The following KHDRBS2 variants were observed in gnomAD, a reference collection of about 807,000 sequenced individuals.
KHDRBS2 encodes the protein KH RNA binding domain containing, signal transduction associated 2.
KHDRBS2 carries 26 observed loss-of-function variants against 44.3 expected under a neutral mutation model. The observed-to-expected ratio is 0.59, with a 90% confidence interval of 0.43 to 0.81. The LOEUF is 0.81. Ranked by LOEUF, KHDRBS2 falls within the 40% of genes least tolerant of loss-of-function variation. KHDRBS2 has a pLI of 0.00. For synonymous variants in KHDRBS2, 194 were observed against 151.1 expected (o/e 1.28, Z -2.08); for missense variants, 476 against 433.1 (o/e 1.10, Z -0.88).
At chr6:62,170,995 T>C (rs1206726538) in intron 2 of KHDRBS2, among the ~76,000 whole-genome samples, 2 of 142,868 alleles carry the variant, frequency 1.4e-5, no homozygotes, top group East Asian at 4.1e-4. Context: ...ACTTCAAATA[T>C]TAAAGGACCA....
chr6:61,859,286 A>C (rs1338615784), intron 6 of KHDRBS2, among the ~76,000 whole-genome samples: 2 of 151,808 alleles, frequency 1.3e-5, no homozygotes, highest in African/African-American at 4.8e-5. Flanking sequence ...AGCAGGCTAC[A>C]TATACGCTTG....
intron 2 of KHDRBS2, among the ~76,000 whole-genome samples, chr6:62,070,757 G>A (rs1296222487): frequency 1.3e-5 from 2 of 152,086 alleles, no homozygotes; most frequent in African/African-American, 2.4e-5. Context: ...CATTTGGGTT[G>A]GTTCCAAGTC....
chr6:61,616,351 G>T, the KHDRBS2 span, among the ~76,000 whole-genome samples: 2 of 152,018 alleles, frequency 1.3e-5, no homozygotes, highest in Admixed American at 1.3e-4. Flanking sequence ...GACTATATGT[G>T]TGGAGTTGAG....
chr6:62,030,685 T>C (rs1784188690), intron 3 of KHDRBS2, among the ~76,000 whole-genome samples: 1 of 152,114 alleles, frequency 6.6e-6, no homozygotes, highest in African/African-American at 2.4e-5. Flanking sequence ...GAAACATTAG[T>C]ACTTTCTAAC....
At chr6:62,112,059 G>T (rs559418317) in intron 2 of KHDRBS2, among the ~76,000 whole-genome samples, 1 of 152,054 alleles carries the variant, frequency 6.6e-6, no homozygotes, top group Admixed American at 6.6e-5. Context: ...ATTTTTAACT[G>T]ATACGTGAAA....
Position 61,953,765 on chromosome 6 carries a change from T to C in KHDRBS2, c.483+24301A>G, listed in dbSNP as rs532244053. ...TGGAGAGAGATAGTGCCACGACCTC[T>C]CTGCCTACTTAGAAGATACAAGTGC... On this transcript the variant is annotated intron_variant, in intron 4 of 8. Coordinates refer to ENST00000281156, the MANE Select transcript of KHDRBS2 (RefSeq NM_152688.4). 1.4e-4 allele frequency among the ~76,000 whole-genome samples: 22 copies of C among 152,266 alleles called. No homozygotes were observed. In the East Asian group the frequency reaches 4.3e-3, roughly 29 times the overall value.
At chr6:61,836,155 G>C (rs1220795925) in intron 6 of KHDRBS2, among the ~76,000 whole-genome samples, 1 of 151,884 alleles carries the variant, frequency 6.6e-6, no homozygotes, top group Non-Finnish European at 1.5e-5. Flanking sequence ...CTACCACATG[G>C]AATCAGAACT....
At chr6:62,250,825 G>T (rs1213048685) in intron 1 of KHDRBS2, among the ~76,000 whole-genome samples, 1 of 151,740 alleles carries the variant, frequency 6.6e-6, no homozygotes, top group Non-Finnish European at 1.5e-5. Context: ...TTTAAAAAGG[G>T]GTGATAAAAT....
chr6:61,588,311 C>T, the KHDRBS2 span, among the ~76,000 whole-genome samples: 1 of 152,114 alleles, frequency 6.6e-6, no homozygotes, highest in Non-Finnish European at 1.5e-5. Flanking sequence ...CTGCTGCTGT[C>T]TGTTTTGTAT....
chr6:62,066,294 C>G (rs1360979622), intron 2 of KHDRBS2, among the ~76,000 whole-genome samples: 1 of 151,796 alleles, frequency 6.6e-6, no homozygotes, highest in East Asian at 2.0e-4. Flanking sequence ...AGGTACCTGA[C>G]TGAATGTACA....
At chr6:61,606,195 G>C in the KHDRBS2 span, among the ~76,000 whole-genome samples, 1 of 152,106 alleles carries the variant, frequency 6.6e-6, no homozygotes, top group African/African-American at 2.4e-5. Flanking sequence ...GACTCAGCCT[G>C]CCTGCACCCA....
intron 7 of KHDRBS2, among the ~76,000 whole-genome samples, chr6:61,719,774 T>G (rs1772072130): frequency 6.6e-6 from 1 of 152,070 alleles, no homozygotes; most frequent in African/African-American, 2.4e-5. Context: ...TTTTTTTAAA[T>G]TTATTTATTT....
intron 6 of KHDRBS2, among the ~76,000 whole-genome samples, chr6:61,753,202 T>C (rs1777991190): frequency 1.3e-5 from 2 of 152,138 alleles, no homozygotes; most frequent in Admixed American, 1.3e-4. Context: ...TCTCCATGTA[T>C]CATCCCTCTT....
chr6:61,797,091 C>G (rs1411558608), intron 6 of KHDRBS2, among the ~76,000 whole-genome samples: 1 of 151,838 alleles, frequency 6.6e-6, no homozygotes, highest in Non-Finnish European at 1.5e-5. Context: ...CAGATGTATT[C>G]TTAAGAAAAA....
intron 4 of KHDRBS2, among the ~76,000 whole-genome samples, chr6:61,957,909 C>T (rs980800004): frequency 1.3e-5 from 2 of 151,812 alleles, no homozygotes; most frequent in African/African-American, 4.8e-5. Context: ...TTTCCCCGGA[C>T]ACCCAGCTTT....
intron 2 of KHDRBS2, among the ~76,000 whole-genome samples, chr6:62,122,714 C>CGTGTCTTATATTATAAAACTGCACGT (rs1807964534): frequency 2.7e-5 from 4 of 150,342 alleles, no homozygotes; most frequent in African/African-American, 9.9e-5. Context: ...AAGACACCAC[C>CGTGTCTTATATTATAAAACTGCACGT]TGAAAGTGGA....
chr6:61,755,635 C>A (rs1433888658), intron 6 of KHDRBS2, among the ~76,000 whole-genome samples: 1 of 151,664 alleles, frequency 6.6e-6, no homozygotes, highest in Non-Finnish European at 1.5e-5. Flanking sequence ...CATGGTGAAA[C>A]CCCATCTCTA....
At chr6:61,944,643 AGAAGAGAGGACT>A (rs1170338382) in intron 4 of KHDRBS2, among the ~76,000 whole-genome samples, 1 of 152,160 alleles carries the variant, frequency 6.6e-6, no homozygotes. Flanking sequence ...CAAAATAGCT[AGAAGAGAGGACT>A]TGAAATGTTG....
the KHDRBS2 span, among the ~76,000 whole-genome samples, chr6:61,626,571 C>CT: frequency 6.6e-6 from 1 of 152,090 alleles, no homozygotes; most frequent in Admixed American, 6.5e-5. Flanking sequence ...TGAAATCACT[C>CT]TTTTTTTAGA....
Sources: gnomAD v4.1 joint callset for allele counts (sites outside exome capture counted in the v4.1 genomes callset) on GRCh38, gnomAD v4.1.1 for gene constraint, MANE v1.5 for transcripts, NCBI Gene and HGNC (gene_info 2026-07-23, HGNC 2026-07-21) for gene names.